BMS1: variants seen among roughly 807,000 people sequenced by gnomAD.
The protein encoded by BMS1 is ribosome biogenesis protein BMS1 homolog.
BMS1 carries 53 observed loss-of-function variants against 138.7 expected under a neutral mutation model. That is an observed-to-expected ratio of 0.38 (90% CI 0.31 to 0.48). BMS1 has a LOEUF of 0.48. Ranked by LOEUF, BMS1 falls within the 20% of genes least tolerant of loss-of-function variation. The pLI is 0.97. For synonymous variants in BMS1, 504 were observed against 539.9 expected (o/e 0.93, Z 0.92); for missense variants, 1,360 against 1,565.5 (o/e 0.87, Z 2.22).
At chr10:42,785,115 G>A (rs1397164655) in intron 2 of BMS1, among the ~76,000 whole-genome samples, 4 of 152,130 alleles carry the variant, frequency 2.6e-5, no homozygotes, top group African/African-American at 7.2e-5. Flanking sequence ...TAACTCCAGC[G>A]CCTCTGCTCT....
intron 6 of BMS1, among the ~76,000 whole-genome samples, chr10:42,792,161 C>T (rs1171516563): frequency 6.6e-6 from 1 of 152,142 alleles, no homozygotes; most frequent in African/African-American, 2.4e-5. Context: ...CTGCCAGAAT[C>T]CAAGCCACAG....
At chr10:42,828,093 G>A (rs1216087910) in intron 21 of BMS1, among the ~76,000 whole-genome samples, 1 of 152,196 alleles carries the variant, frequency 6.6e-6, no homozygotes, top group South Asian at 2.1e-4. Context: ...CCACGCCCTG[G>A]ACCAAGCAGT....
chr10:42,826,237 T>TTGTGTGTGTGTGTGTG (rs35886214), intron 21 of BMS1, among the ~76,000 whole-genome samples: 3 of 145,648 alleles, frequency 2.1e-5, no homozygotes, highest in Non-Finnish European at 4.5e-5. Context: ...TTTTTGTTTG[T>TTGTGTGTGTGTGTGTG]TGTGTGTGTG....
chr10:42,797,600 C>T (rs753225482), intron 11 of BMS1, 77 bp downstream of exon 11: 84 of 1,415,128 alleles, frequency 5.9e-5, no homozygotes, highest in African/African-American at 8.5e-5. Flanking sequence ...TTGGAGGATT[C>T]GGCTGGTATT....
intron 13 of BMS1, among the ~76,000 whole-genome samples, chr10:42,815,308 C>T (rs1442487535): frequency 6.6e-6 from 1 of 152,192 alleles, no homozygotes; most frequent in Non-Finnish European, 1.5e-5. Context: ...TGGAGAGCAC[C>T]GATGAGTGTT....
In BMS1 at chr10:42,834,270, A is replaced by C. The variant is rs1371010597; in HGVS notation, c.*3174A>C. Reference sequence around the variant, plus strand: ...TTTTCTTTTTTTAACAAAACCTGTGAACTTGCTTTAAGTATTATCATTTGG... The same window carrying C: ...TTTTCTTTTTTTAACAAAACCTGTGCACTTGCTTTAAGTATTATCATTTGG... On this transcript the variant is annotated 3_prime_UTR_variant, in exon 23 of 23. Transcript: ENST00000374518. 1 of 152,066 alleles carries C rather than the reference A, an allele frequency of 6.6e-6. No homozygotes were observed. Among genetic ancestry groups the C allele is most frequent in the Non-Finnish European group, 1.5e-5 (1 of 68,036 alleles). The allele number at this position is 152,066 out of a possible 1,614,324, so 9.4% of individuals were successfully genotyped here.
Position 42,831,224 on chromosome 10 carries a change from C to T in BMS1, c.*128C>T, listed in dbSNP as rs1343894368. 1 of 1,013,766 alleles carries T rather than the reference C, an allele frequency of 9.9e-7. No individual in the cohort carries two copies. The highest frequency in any genetic ancestry group is 1.4e-6 in the Non-Finnish European group (1 of 702,212). 62.8% of individuals were successfully genotyped at this position (1,013,766 alleles called of 1,614,324 possible). A position where few individuals can be genotyped will look rare whatever the true frequency, so the allele number is the denominator to read the frequency against. On this transcript the variant is annotated 3_prime_UTR_variant, in exon 23 of 23. Transcript: ENST00000374518. ...AGAGATGTCTCTACTCAAACTGTGC[C>T]TGCAGGAGGAGGAACAGAGAAGCCT...
Position 42,830,490 on chromosome 10 carries a change from TC to T in BMS1, c.3618+70del, listed in dbSNP as rs1842772071. On this transcript the variant is annotated intron_variant, in intron 22 of 22. Transcript: ENST00000374518. ...AAAAGAACACTCTCAATAGCACACT[TC>T]CTGTTTCTACTGTAGTCTCAGTTAT... The T allele has an allele frequency of 2.0e-6, 3 of 1,533,832 alleles. No individual in the cohort carries two copies. In the African/African-American group the frequency reaches 4.2e-5, roughly 21 times the overall value.
chr10:42,793,968 G>T lies in BMS1; in HGVS notation c.1206G>T (p.Gly402=), dbSNP rs772307453. The T allele has an allele frequency of 1.2e-6, 2 of 1,611,594 alleles. No homozygotes were observed. Among genetic ancestry groups the T allele is most frequent in the South Asian group, 2.2e-5 (2 of 90,966 alleles). ...VTLFSDSKPL[G]SEDIDNQGLM... is the part of the protein sequence containing the mutation. ...TGTTTTCTGATTCCAAGCCACTTGG[G>T]TCAGAGGATATAGATAATCAAGGGT... Residue 402 remains glycine, a synonymous_variant, in exon 9 of 23, where the codon GGG becomes GGT. Coordinates refer to ENST00000374518, the MANE Select transcript of BMS1 (RefSeq NM_014753.4).
intron 13 of BMS1, among the ~76,000 whole-genome samples, chr10:42,811,341 C>A (rs535806033): frequency 5.1e-4 from 78 of 151,754 alleles, no homozygotes; most frequent in African/African-American, 1.6e-3. Context: ...CCACATCCGG[C>A]CAATTTCTGC....
intron 13 of BMS1, among the ~76,000 whole-genome samples, chr10:42,810,181 A>G (rs1842130504): frequency 6.7e-6 from 1 of 150,316 alleles, no homozygotes; most frequent in Admixed American, 6.7e-5. Context: ...ATGAAAATAC[A>G]ACATATGGAA....
At chr10:42,830,556 C>A in intron 22 of BMS1, 134 bp downstream of exon 22, 1 of 1,255,988 alleles carries the variant, frequency 8.0e-7, no homozygotes, top group Non-Finnish European at 1.1e-6. Context: ...GAGCCAGAGT[C>A]CATTTCCCTT....
intron 9 of BMS1, among the ~76,000 whole-genome samples, chr10:42,794,948 G>A (rs979229993): frequency 2.0e-5 from 3 of 151,882 alleles, no homozygotes; most frequent in Admixed American, 6.6e-5. Context: ...AGAGTGTGAT[G>A]TTCCCCTTCC....
At chr10:42,796,394 T>A in intron 9 of BMS1, 80 bp from the exon 10 acceptor site, 4 of 1,388,744 alleles carry the variant, frequency 2.9e-6, no homozygotes, top group Non-Finnish European at 3.9e-6. Context: ...TTCTTTGTAT[T>A]TTCATTGACT....
At chr10:42,792,918 C>G (rs1361580434) in intron 7 of BMS1, 39 bp from the exon 8 acceptor site, 2 of 1,586,776 alleles carry the variant, frequency 1.3e-6, no homozygotes, top group Non-Finnish European at 1.7e-6. Flanking sequence ...CTTCTGACTT[C>G]TTGTCAGCTG....
intron 11 of BMS1, among the ~76,000 whole-genome samples, chr10:42,798,198 G>A (rs1447384988): frequency 1.3e-5 from 2 of 152,048 alleles, no homozygotes; most frequent in East Asian, 1.9e-4. Context: ...TCCCTTCACC[G>A]CTAATATTCT....
In BMS1 at chr10:42,830,374, A is replaced by G. The variant is rs1479994693; in HGVS notation, c.3570A>G (p.Pro1190=). 1 of 1,614,034 alleles carries G rather than the reference A, an allele frequency of 6.2e-7. No homozygotes were observed. The highest frequency in any genetic ancestry group is 8.5e-7 in the Non-Finnish European group (1 of 1,180,010). The change falls in exon 22 of 23, where the codon CCA becomes CCG. Residue 1190 remains proline (P), a synonymous_variant. Transcript: ENST00000374518. ...PKTQAKAGKV[P]KDRRRPAVIR... is the part of the protein sequence containing the mutation. ...CCCAAGCAAAGGCAGGCAAGGTGCC[A>G]AAGGACAGGCGGAGACCGGCCGTCA...
chr10:42,808,475 A>G (rs1358819707), intron 13 of BMS1, among the ~76,000 whole-genome samples: 1 of 151,328 alleles, frequency 6.6e-6, no homozygotes, highest in Non-Finnish European at 1.5e-5. Flanking sequence ...ATTTTTTTGT[A>G]TTTTTAGTAG....
intron 4 of BMS1, among the ~76,000 whole-genome samples, chr10:42,789,594 T>G (rs1204564229): frequency 4.6e-5 from 2 of 43,410 alleles, no homozygotes; most frequent in East Asian, 1.5e-3. Context: ...ATCTTACTGT[T>G]TTTTTTTTTA....
Sources: gnomAD v4.1 joint callset for allele counts (sites outside exome capture counted in the v4.1 genomes callset) on GRCh38, gnomAD v4.1.1 for gene constraint, MANE v1.5 for transcripts, NCBI Gene and HGNC (gene_info 2026-07-23, HGNC 2026-07-21) for gene names.